The following TLE1 variants were observed in gnomAD, a reference collection of about 807,000 sequenced individuals.
The protein encoded by TLE1 is TLE family member 1, transcriptional corepressor.
A neutral mutation model predicts 89.8 loss-of-function variants in TLE1; 21 were observed. The observed-to-expected ratio is 0.23, with a 90% CI of 0.17 to 0.34. TLE1 has a LOEUF of 0.34. TLE1 is among the 10% of genes least tolerant of loss of function. The pLI, the probability that TLE1 is intolerant of heterozygous loss-of-function variation, is 1.00. For synonymous variants in TLE1, 447 were observed against 407.6 expected, an observed-to-expected ratio of 1.10 and a Z score of -1.16; for missense variants, 795 against 1,031.2, an observed-to-expected ratio of 0.77 and a Z score of 3.14.
intron 4 of TLE1, among the ~76,000 whole-genome samples, chr9:81,682,332 G>A (rs1029568239): frequency 2.0e-5 from 3 of 151,696 alleles, no homozygotes; most frequent in African/African-American, 7.3e-5. Flanking sequence ...TAGATGCGTG[G>A]CCTTGAGCAA....
intron 8 of TLE1, among the ~76,000 whole-genome samples, chr9:81,632,852 A>T (rs1237022864): frequency 6.6e-6 from 1 of 152,226 alleles, no homozygotes; most frequent in Non-Finnish European, 1.5e-5. Flanking sequence ...CAAGATATGG[A>T]AACCTAGCAA....
intron 4 of TLE1, among the ~76,000 whole-genome samples, chr9:81,673,270 TTTA>T (rs1564067098): frequency 4.9e-5 from 3 of 61,846 alleles, no homozygotes; most frequent in Admixed American, 3.3e-4. Flanking sequence ...CGAGACTTCA[TTTA>T]AAAAAAAAAA....
At chr9:81,645,442 C>T (rs1449403403) in intron 6 of TLE1, among the ~76,000 whole-genome samples, 2 of 150,860 alleles carry the variant, frequency 1.3e-5, no homozygotes, top group African/African-American at 4.9e-5. Flanking sequence ...TAGATTGTAA[C>T]ACAAAAGATA....
chr9:81,613,829 C>A (rs1050657113), intron 11 of TLE1, among the ~76,000 whole-genome samples: 5 of 151,952 alleles, frequency 3.3e-5, no homozygotes, highest in Non-Finnish European at 7.4e-5. Context: ...AGAAAGATGA[C>A]CACCCAGAGA....
intron 4 of TLE1, among the ~76,000 whole-genome samples, chr9:81,685,084 C>T (rs1337476746): frequency 6.6e-6 from 1 of 152,148 alleles, no homozygotes; most frequent in Admixed American, 6.5e-5. Context: ...AAGCAACTCC[C>T]AACATATGCT....
Position 81,688,363 on chromosome 9 carries a change from A to G in TLE1, c.-123T>C, listed in dbSNP as rs1335176202. 4 of 1,130,622 alleles carry G rather than the reference A, an allele frequency of 3.5e-6. No homozygotes were observed. In the East Asian group the frequency reaches 1.3e-4, roughly 37 times the overall value. 70.0% of individuals were successfully genotyped at this position (1,130,622 alleles called of 1,614,324 possible). A position where few individuals can be genotyped will look rare whatever the true frequency, so the allele number is the denominator to read the frequency against. On this transcript the variant is annotated 5_prime_UTR_variant, in exon 1 of 20. Coordinates refer to ENST00000376499, the MANE Select transcript of TLE1 (RefSeq NM_005077.5). The stretch of plus-strand genomic sequence containing the variant: ...AGCAGAAGCGGGGAGCGCGCTGGCC[A>G]CGCACGCGCGCTCCGCCGGGCGCAC...
At position 81,636,245 on chromosome 9, in the gene TLE1, C is replaced by T. The variant is rs193035261; in HGVS notation, c.373-1944G>A. Among the ~76,000 whole-genome samples, 24 of 152,214 alleles carry T rather than the reference C, an allele frequency of 1.6e-4. No individual in the cohort carries two copies. The East Asian group carries it at 2.9e-3, about 18-fold the overall frequency. ...AAGACACTAATTCTTGCTCTGTCAC[C>T]TTTTAAGAGCTTGGCAATAGTGAGA... On this transcript the variant is annotated intron_variant, in intron 6 of 19. Transcript: ENST00000376499.
At chr9:81,685,983 C>T (rs1834219048) in intron 2 of TLE1, 87 bp from the exon 3 acceptor site, 1 of 1,442,346 alleles carries the variant, frequency 6.9e-7, no homozygotes, top group African/African-American at 1.4e-5. Context: ...CAAGTAAAAA[C>T]ACAGACCAAT....
At position 81,593,142 on chromosome 9, in the gene TLE1, G is replaced by A. The variant is rs111435537; in HGVS notation, c.1464C>T (p.Cys488=). The change falls in exon 15 of 20, where the codon TGC becomes TGT. Residue 488 remains cysteine (C), a synonymous_variant. Coordinates refer to ENST00000376499, the MANE Select transcript of TLE1 (RefSeq NM_005077.5). ...INTLNHGEVV[C]AVTISNPTRH... ...TCGTGGGGTTGCTGATGGTCACAGC[G>A]CACACCACCTCCCCGTGGTTGAGGG... is the stretch of plus-strand genomic sequence containing the variant. The A allele has an allele frequency of 4.5e-5, 72 of 1,614,150 alleles. No homozygotes were observed. The African/African-American group carries it at 5.7e-4, about 13-fold the overall frequency.
At chr9:81,635,641 T>C (rs1827269466) in intron 6 of TLE1, among the ~76,000 whole-genome samples, 1 of 152,220 alleles carries the variant, frequency 6.6e-6, no homozygotes, top group Non-Finnish European at 1.5e-5. Flanking sequence ...GCTCACTTCC[T>C]TGGGACTCAA....
At chr9:81,611,201 G>C (rs1011715416) in intron 13 of TLE1, among the ~76,000 whole-genome samples, 2 of 152,154 alleles carry the variant, frequency 1.3e-5, no homozygotes, top group African/African-American at 4.8e-5. Context: ...ACAGTGGCAA[G>C]AGGCAGGGCA....
chr9:81,679,059 A>G (rs918962086), intron 4 of TLE1, among the ~76,000 whole-genome samples: 1 of 152,168 alleles, frequency 6.6e-6, no homozygotes, highest in Non-Finnish European at 1.5e-5. Flanking sequence ...GAGGCAGGAG[A>G]ATCACCTGAA....
chr9:81,620,703 T>A (rs1825126169), intron 8 of TLE1, 146 bp from the exon 9 acceptor site: 1 of 1,453,946 alleles, frequency 6.9e-7, no homozygotes, highest in South Asian at 1.5e-5. Flanking sequence ...AAGACTTTGA[T>A]GGCAAACATA....
chr9:81,638,820 T>G (rs536860685), intron 6 of TLE1, among the ~76,000 whole-genome samples: 1 of 152,214 alleles, frequency 6.6e-6, no homozygotes, highest in African/African-American at 2.4e-5. Flanking sequence ...AGATGAGGTT[T>G]TACCACATTG....
Position 81,687,888 on chromosome 9 carries a change from G to C in TLE1, c.24+329C>G, listed in dbSNP as rs976269198. The stretch of plus-strand genomic sequence containing the variant: ...CGGGGCCGCATTGACATGTAAATAG[G>C]CGAGAGGAGAAACAAAGGGGGGGGC... On this transcript the variant is annotated intron_variant, in intron 1 of 19. Transcript: ENST00000376499. Among the ~76,000 whole-genome samples, 3 of 152,218 alleles carry C rather than the reference G, an allele frequency of 2.0e-5. No homozygotes were observed. The South Asian group carries it at 6.2e-4, about 32-fold the overall frequency.
intron 17 of TLE1, among the ~76,000 whole-genome samples, chr9:81,586,207 C>T (rs887466959): frequency 6.6e-6 from 1 of 152,022 alleles, no homozygotes; most frequent in African/African-American, 2.4e-5. Flanking sequence ...TTAGTAAAGA[C>T]GGGGTTTCAC....
chr9:81,633,761 C>T (rs975031493), intron 7 of TLE1: 5 of 474,550 alleles, frequency 1.1e-5, no homozygotes, highest in South Asian at 4.9e-5. Flanking sequence ...CTTCTTATTT[C>T]GCCCCATTTA....
At position 81,611,874 on chromosome 9, in the gene TLE1, C is replaced by T; in HGVS notation, c.1149G>A (p.Glu383=). 1 of 1,554,142 alleles carries T rather than the reference C, an allele frequency of 6.4e-7. No homozygotes were observed. Among genetic ancestry groups the T allele is most frequent in the Non-Finnish European group, 8.7e-7 (1 of 1,153,384 alleles). Residue 383 remains glutamate, a synonymous_variant, in exon 13 of 20, where the codon GAG becomes GAA. Transcript: ENST00000376499. ...CGTAGGCAGCGCCTGGGCTGGTCAG[C>T]TCGCCGTTCATGCCAGCGTGGGGGA... ...GMVPHAGMNG[E]LTSPGAAYAS...
At chr9:81,672,630 T>G (rs927177409) in intron 4 of TLE1, among the ~76,000 whole-genome samples, 7 of 152,108 alleles carry the variant, frequency 4.6e-5, no homozygotes, top group Non-Finnish European at 1.0e-4. Context: ...GAAAACTACA[T>G]GCACACACTC....
Sources: gnomAD v4.1 joint callset for allele counts (sites outside exome capture counted in the v4.1 genomes callset) on GRCh38, gnomAD v4.1.1 for gene constraint, MANE v1.5 for transcripts, NCBI Gene and HGNC (gene_info 2026-07-23, HGNC 2026-07-21) for gene names.